Variants in SLAIN1 observed in about 807,000 individuals in gnomAD.
SLAIN1 encodes SLAIN motif-containing protein 1.
SLAIN1 carries 17 observed loss-of-function variants against 55.4 expected under a neutral mutation model. The ratio of observed to expected loss-of-function variants is 0.31; its 90% CI spans 0.21 to 0.46. SLAIN1 has a LOEUF of 0.46. Ranked by LOEUF, SLAIN1 falls within the 20% of genes least tolerant of loss-of-function variation. The probability of loss-of-function intolerance (pLI) is 1.00; values close to 1 mark genes in which losing one functional copy is unlikely to be tolerated. For missense variants in SLAIN1, 682 were observed against 785.1 expected (o/e 0.87, Z 1.57); for synonymous variants, 348 against 337.4 (o/e 1.03, Z -0.35).
chr13:77,741,370 A>G (rs1261921615), intron 2 of SLAIN1: 5 of 987,304 alleles, frequency 5.1e-6, no homozygotes, highest in East Asian at 1.1e-4. Flanking sequence ...AAGTTGACCT[A>G]CATAGAAGAG....
chr13:77,701,145 T>G (rs917096647), intron 1 of SLAIN1, among the ~76,000 whole-genome samples: 2 of 152,186 alleles, frequency 1.3e-5, no homozygotes, highest in African/African-American at 4.8e-5. Flanking sequence ...GTTAACTGTA[T>G]CACCTACAGT....
At chr13:77,731,925 C>T (rs1187769353) in intron 2 of SLAIN1, among the ~76,000 whole-genome samples, 1 of 151,846 alleles carries the variant, frequency 6.6e-6, no homozygotes, top group Non-Finnish European at 1.5e-5. Flanking sequence ...GAAAGTGGGC[C>T]TGGGTGGGGA....
chr13:77,735,204 G>A (rs947178278), intron 2 of SLAIN1, among the ~76,000 whole-genome samples: 1 of 151,876 alleles, frequency 6.6e-6, no homozygotes, highest in South Asian at 2.1e-4. Context: ...TTTCATATGA[G>A]AACACTGCAA....
intron 1 of SLAIN1, among the ~76,000 whole-genome samples, chr13:77,718,333 A>G (rs2091228348): frequency 6.6e-6 from 1 of 152,168 alleles, no homozygotes; most frequent in Non-Finnish European, 1.5e-5. Flanking sequence ...AAAGGAACAC[A>G]GCCACGTTTA....
chr13:77,723,885 G>T, intron 2 of SLAIN1, among the ~76,000 whole-genome samples: 2 of 150,786 alleles, frequency 1.3e-5, no homozygotes, highest in African/African-American at 2.4e-5. Context: ...TTTCTCTCTG[G>T]CTTTCTATTC....
intron 4 of SLAIN1, among the ~76,000 whole-genome samples, chr13:77,749,359 G>C (rs1428907004): frequency 6.6e-6 from 1 of 152,122 alleles, no homozygotes; most frequent in Non-Finnish European, 1.5e-5. Context: ...GACTCAACTT[G>C]TAGAATCTTT....
At chr13:77,755,978 A>G (rs1029817727) in intron 5 of SLAIN1, among the ~76,000 whole-genome samples, 1 of 152,202 alleles carries the variant, frequency 6.6e-6, no homozygotes, top group African/African-American at 2.4e-5. Flanking sequence ...TGGAAAGAAC[A>G]GAGGTAGGAT....
At position 77,752,821 on chromosome 13, in the gene SLAIN1, C is replaced by T. The variant is rs146742283; in HGVS notation, c.1259-382C>T. On this transcript the variant is annotated intron_variant, in intron 4 of 6. Transcript: ENST00000418532. ...AGTCTGCTCCTTCTGCATTCTTCTG[C>T]GCTTTTATCCTAGCCATGCTGGCAG... is the stretch of plus-strand genomic sequence containing the variant. 1.9e-3 allele frequency among the ~76,000 whole-genome samples: 289 copies of T among 152,284 alleles called. 2 individuals carry two copies. The highest frequency in any genetic ancestry group is 6.0e-3 in the African/African-American group (250 of 41,570).
chr13:77,697,854 C>T lies in SLAIN1; in HGVS notation c.-60C>T, dbSNP rs1416659907. 3.2e-5 allele frequency: 41 copies of T among 1,261,746 alleles called. No individual in the cohort carries two copies. The Admixed American group carries it at 3.5e-4, about 11-fold the overall frequency. 78.2% of individuals were successfully genotyped at this position (1,261,746 alleles called of 1,614,324 possible). A position where few individuals can be genotyped will look rare whatever the true frequency, so the allele number is the denominator to read the frequency against. On this transcript the variant is annotated 5_prime_UTR_variant, in exon 1 of 7. Coordinates refer to ENST00000418532, the MANE Select transcript of SLAIN1 (RefSeq NM_001242868.2). ...GAAGGAGCCGTAGCCTCCCCGTGGCCCGAGGAGCCGGCGCGGCGGCGCGCA... is the reference window on the plus strand; with the variant it reads ...GAAGGAGCCGTAGCCTCCCCGTGGCTCGAGGAGCCGGCGCGGCGGCGCGCA...
chr13:77,705,038 G>A (rs1368545129), intron 1 of SLAIN1, among the ~76,000 whole-genome samples: 1 of 148,032 alleles, frequency 6.8e-6, no homozygotes, highest in Non-Finnish European at 1.5e-5. Context: ...CATAGAAACT[G>A]TATATACAGA....
intron 1 of SLAIN1, among the ~76,000 whole-genome samples, chr13:77,714,554 A>G (rs1594258444): frequency 1.3e-5 from 2 of 152,184 alleles, no homozygotes; most frequent in African/African-American, 4.8e-5. Context: ...TCAAAGCTGC[A>G]GTGAGGTGTG....
chr13:77,743,249 A>G (rs777336441), intron 2 of SLAIN1: 1 of 1,112,688 alleles, frequency 9.0e-7, no homozygotes, highest in Non-Finnish European at 1.2e-6. Flanking sequence ...TCATTTGAAA[A>G]GCTTGAGAAT....
chr13:77,723,251 A>C (rs1566228868), intron 2 of SLAIN1, among the ~76,000 whole-genome samples: 1 of 151,986 alleles, frequency 6.6e-6, no homozygotes. Flanking sequence ...CTCTTACTCT[A>C]CTTGGAACTA....
At chr13:77,761,319 C>T (rs1233212635) in intron 6 of SLAIN1, among the ~76,000 whole-genome samples, 2 of 152,078 alleles carry the variant, frequency 1.3e-5, no homozygotes, top group Non-Finnish European at 2.9e-5. Flanking sequence ...TCCCTTACTC[C>T]CTCATCACTA....
rs546766555 is a variant in SLAIN1 at position 77,750,064 on chromosome 13, T to C, written c.1259-3139T>C. 3.9e-5 allele frequency among the ~76,000 whole-genome samples: 6 copies of C among 152,292 alleles called. No homozygotes were observed. The South Asian group carries it at 1.2e-3, about 32-fold the overall frequency. Reference sequence around the variant, plus strand: ...AGATTATCATATGATATTGTTAATTTGTTTACATGTGATTACAATATTGTG... The same window carrying C: ...AGATTATCATATGATATTGTTAATTCGTTTACATGTGATTACAATATTGTG... On this transcript the variant is annotated intron_variant, in intron 4 of 6. Transcript: ENST00000418532.
intron 4 of SLAIN1, among the ~76,000 whole-genome samples, chr13:77,750,640 C>T (rs753654734): frequency 1.4e-4 from 22 of 152,110 alleles, no homozygotes; most frequent in East Asian, 7.7e-4. Flanking sequence ...GAATACGAGA[C>T]GTATGATTGT....
Position 77,719,611 on chromosome 13 carries a change from G to C in SLAIN1, c.706G>C (p.Asp236His). 1 of 1,613,556 alleles carries C rather than the reference G, an allele frequency of 6.2e-7. No homozygotes were observed. Among genetic ancestry groups the C allele is most frequent in the African/African-American group, 1.3e-5 (1 of 74,976 alleles). Residue 236 changes from aspartate (D) to histidine (H), a missense_variant, in exon 2 of 7, where the codon GAT becomes CAT. Physicochemically the swap from Asp to His is moderately conservative, Grantham distance 81 (BLOSUM62 -1). This residue lies in a region of SLAIN1 where 401 missense variants were observed against 417.3 expected (regional missense o/e 0.96). Transcript: ENST00000418532. ...TTTGCAGTGGTGTAGACATGTCCTAGATAACCCAACTCCTGAGATGGAAGC... is the reference window on the plus strand; with the variant it reads ...TTTGCAGTGGTGTAGACATGTCCTACATAACCCAACTCCTGAGATGGAAGC... ...TPLQWCRHVL[D>H]NPTPEMEAAR...
At chr13:77,730,252 G>C (rs1872792843) in intron 2 of SLAIN1, among the ~76,000 whole-genome samples, 1 of 152,132 alleles carries the variant, frequency 6.6e-6, no homozygotes. Context: ...TTTTAGTAAA[G>C]GAGTGATGTA....
chr13:77,746,893 AT>A (rs1252438795), intron 4 of SLAIN1, 38 bp downstream of exon 4: 8 of 1,493,832 alleles, frequency 5.4e-6, no homozygotes, highest in African/African-American at 2.8e-5. Flanking sequence ...ATATGCTTTA[AT>A]TTTTTTATAT....
Sources: allele counts gnomAD v4.1 joint callset (sites outside exome capture counted in the v4.1 genomes callset), GRCh38; gene constraint gnomAD v4.1.1; regional missense constraint gnomAD v4.1.1; transcripts MANE v1.5; gene names NCBI Gene and HGNC (gene_info 2026-07-23, HGNC 2026-07-21).